RARRES1: variants seen among roughly 807,000 people sequenced by gnomAD.
RARRES1 encodes the protein retinoic acid receptor responder protein 1.
In RARRES1, 34 loss-of-function variants were observed where a neutral mutation model predicts 30.6. The observed-to-expected ratio is 1.11, with a 90% CI of 0.84 to 1.48. RARRES1 has a LOEUF of 1.48. RARRES1 is among the 40% of genes most tolerant of loss of function. The pLI, the probability that RARRES1 is intolerant of heterozygous loss-of-function variation, is 0.00. For missense variants in RARRES1, 373 were observed against 386.5 expected, an observed-to-expected ratio of 0.97 and a Z score of 0.29; for synonymous variants, 153 against 155.5, an observed-to-expected ratio of 0.98 and a Z score of 0.12.
intron 1 of RARRES1, among the ~76,000 whole-genome samples, chr3:158,726,844 T>G (rs953132087): frequency 1.3e-5 from 2 of 152,224 alleles, no homozygotes; most frequent in Non-Finnish European, 2.9e-5. Flanking sequence ...AAATGTGCTT[T>G]CCAATTTGGA....
chr3:158,723,128 G>T lies in RARRES1; in HGVS notation c.276+9012C>A, dbSNP rs527360416. Among the ~76,000 whole-genome samples the T allele has an allele frequency of 6.6e-6, 1 of 152,218 alleles. No individual in the cohort carries two copies. Among genetic ancestry groups the T allele is most frequent in the South Asian group, 2.1e-4 (1 of 4,818 alleles). Reference sequence around the variant, plus strand: ...TGGTCCTTCCTGTTGTGTTAGTGCCGGTTGTGACAACGTTAATTTCCTGTT... The same window carrying T: ...TGGTCCTTCCTGTTGTGTTAGTGCCTGTTGTGACAACGTTAATTTCCTGTT... On this transcript the variant is annotated intron_variant, in intron 1 of 5. Coordinates refer to ENST00000237696, the MANE Select transcript of RARRES1 (RefSeq NM_206963.2). This position sits in a 1 kb window ranked among gnomAD's most constrained non-coding sequence, Gnocchi z 4.4.
intron 1 of RARRES1, among the ~76,000 whole-genome samples, chr3:158,715,234 T>C (rs1727286502): frequency 6.6e-6 from 1 of 152,244 alleles, no homozygotes; most frequent in Non-Finnish European, 1.5e-5. Flanking sequence ...AGAAATATGA[T>C]GTCCAGCCCG....
At chr3:158,730,888 A>G (rs1576827233) in intron 1 of RARRES1, among the ~76,000 whole-genome samples, 3 of 152,110 alleles carry the variant, frequency 2.0e-5, no homozygotes, top group Non-Finnish European at 2.9e-5. Flanking sequence ...AGTTCAAGCG[A>G]TTCTCCTGCC....
intron 4 of RARRES1, 142 bp downstream of exon 4, chr3:158,704,649 C>T (rs756385507): frequency 1.0e-4 from 135 of 1,303,222 alleles, no homozygotes; most frequent in Admixed American, 6.0e-5. Context: ...ATACTTGGCC[C>T]ATTGCAGGAA....
chr3:158,713,215 AG>A, intron 2 of RARRES1, among the ~76,000 whole-genome samples: 1 of 152,224 alleles, frequency 6.6e-6, no homozygotes, highest in African/African-American at 2.4e-5. Context: ...GCCTAGCACA[AG>A]GAAGTTCATC....
intron 1 of RARRES1, among the ~76,000 whole-genome samples, chr3:158,720,416 C>A (rs1727479184): frequency 7.0e-6 from 1 of 143,052 alleles, no homozygotes; most frequent in Non-Finnish European, 1.5e-5. Flanking sequence ...GCTAGGGCTC[C>A]CGTAACAAAG....
At chr3:158,710,173 C>T (rs1727065552) in intron 3 of RARRES1, among the ~76,000 whole-genome samples, 1 of 151,894 alleles carries the variant, frequency 6.6e-6, no homozygotes, top group Admixed American at 6.6e-5. Context: ...TCAGTTCTTA[C>T]TGTGCCCCTC....
intron 4 of RARRES1, among the ~76,000 whole-genome samples, chr3:158,698,487 A>G (rs1399677312): frequency 1.3e-5 from 2 of 152,228 alleles, no homozygotes; most frequent in African/African-American, 2.4e-5. Flanking sequence ...GGGAATTCCA[A>G]CCCAGATCTA....
At chr3:158,698,417 T>C (rs866649390) in intron 4 of RARRES1, among the ~76,000 whole-genome samples, 1 of 152,200 alleles carries the variant, frequency 6.6e-6, no homozygotes, top group Non-Finnish European at 1.5e-5. Flanking sequence ...ACAATCTGTG[T>C]ATTATGAGCC....
At chr3:158,711,696 C>T (rs892557891) in intron 2 of RARRES1, among the ~76,000 whole-genome samples, 10 of 150,296 alleles carry the variant, frequency 6.7e-5, no homozygotes, top group Admixed American at 4.7e-4. Flanking sequence ...CCTGGGTTCA[C>T]GCGATTCTCC....
rs188516057 is a variant in RARRES1, at chr3:158,728,987, A to G, written c.276+3153T>C. On this transcript the variant is annotated intron_variant, in intron 1 of 5. Transcript: ENST00000237696. ...CAAAGAGGCCTTCCCTAATGACCCT[A>G]TGCTAAATATGAATTAGGCCACACT... Among the ~76,000 whole-genome samples, 294 of 152,272 alleles carry G rather than the reference A, an allele frequency of 1.9e-3. 1 individual carries two copies. Among genetic ancestry groups the G allele is most frequent in the African/African-American group, 6.7e-3 (278 of 41,552 alleles).
intron 1 of RARRES1, among the ~76,000 whole-genome samples, chr3:158,715,147 C>T (rs1390828853): frequency 6.6e-6 from 1 of 152,236 alleles, no homozygotes; most frequent in Non-Finnish European, 1.5e-5. Flanking sequence ...TTGGTTTACA[C>T]AACGCACACA....
Position 158,721,361 on chromosome 3 carries a change from G to C in RARRES1, c.277-7502C>G, listed in dbSNP as rs112445174. Among the ~76,000 whole-genome samples, 609 of 151,868 alleles carry C rather than the reference G, an allele frequency of 4.0e-3. 4 individuals carry two copies. Among genetic ancestry groups the C allele is most frequent in the African/African-American group, 0.014 (590 of 41,386 alleles). ...GGGCTTGCTAAGACCCAGCATGCTG[G>C]ATCTACACCGACTTTTGATTCAGGA... On this transcript the variant is annotated intron_variant, in intron 1 of 5. Coordinates refer to ENST00000237696, the MANE Select transcript of RARRES1 (RefSeq NM_206963.2).
chr3:158,700,896 C>A (rs1445408876), intron 4 of RARRES1, among the ~76,000 whole-genome samples: 2 of 151,968 alleles, frequency 1.3e-5, no homozygotes, highest in African/African-American at 2.4e-5. Flanking sequence ...CCATGCCCCT[C>A]CACCCTGCTT....
chr3:158,707,623 C>A (rs1278222199), intron 3 of RARRES1, among the ~76,000 whole-genome samples: 3 of 152,016 alleles, frequency 2.0e-5, no homozygotes, highest in Admixed American at 2.0e-4. Flanking sequence ...GAGGCAAGAC[C>A]GTCTCCTGAA....
At chr3:158,718,896 C>T (rs1727410317) in intron 1 of RARRES1, among the ~76,000 whole-genome samples, 1 of 152,132 alleles carries the variant, frequency 6.6e-6, no homozygotes, top group Non-Finnish European at 1.5e-5. Context: ...CCAAATCTGA[C>T]ACGAGGAAAG....
intron 1 of RARRES1, among the ~76,000 whole-genome samples, chr3:158,718,508 A>G (rs1461547334): frequency 6.6e-6 from 1 of 152,238 alleles, no homozygotes; most frequent in Non-Finnish European, 1.5e-5. Flanking sequence ...GTAGACTGGC[A>G]ATCAAGAAAG....
intron 1 of RARRES1, among the ~76,000 whole-genome samples, chr3:158,726,279 G>T (rs73015640): frequency 0.015 from 2,264 of 152,328 alleles, 43 homozygotes; most frequent in African/African-American, 0.053. Context: ...GACCTCAAGA[G>T]CAGTAATTAA....
At chr3:158,699,331 C>A (rs745616441) in intron 4 of RARRES1, among the ~76,000 whole-genome samples, 2 of 152,036 alleles carry the variant, frequency 1.3e-5, no homozygotes, top group Non-Finnish European at 2.9e-5. Flanking sequence ...CGTACCAGAC[C>A]TCACTCTTGT....
Sources: gnomAD v4.1 joint callset for allele counts (sites outside exome capture counted in the v4.1 genomes callset) on GRCh38, gnomAD v4.1.1 for gene constraint, Gnocchi (gnomAD v3.1) non-coding constraint, MANE v1.5 for transcripts, NCBI Gene and HGNC (gene_info 2026-07-23, HGNC 2026-07-21) for gene names.